Variants in SIAH1 observed in about 807,000 individuals in gnomAD.
The protein encoded by SIAH1 is E3 ubiquitin-protein ligase SIAH1.
SIAH1 carries 2 observed loss-of-function variants against 20.0 expected under a neutral mutation model. The observed-to-expected ratio is 0.10, with a 90% CI of 0.04 to 0.31. The LOEUF (loss-of-function observed/expected upper bound fraction) is 0.31. SIAH1 is among the 10% of genes least tolerant of loss of function. The pLI is 1.00. For missense variants in SIAH1, 119 were observed against 355.3 expected (o/e 0.33, Z 5.35); for synonymous variants, 118 against 125.3 (o/e 0.94, Z 0.39).
chr16:48,374,689 T>C (rs1374348044), intron 1 of SIAH1, among the ~76,000 whole-genome samples: 4 of 152,040 alleles, frequency 2.6e-5, no homozygotes, highest in African/African-American at 9.7e-5. Flanking sequence ...GAATGTGAGG[T>C]AGCATTAGCA....
At chr16:48,369,996 A>G (rs74713666) in intron 1 of SIAH1, among the ~76,000 whole-genome samples, 30 of 152,326 alleles carry the variant, frequency 2.0e-4, no homozygotes, top group African/African-American at 7.0e-4. Flanking sequence ...ACAGCTTACA[A>G]TCCTGGTCAC....
intron 1 of SIAH1, among the ~76,000 whole-genome samples, chr16:48,384,985 G>A (rs1961409401): frequency 6.8e-6 from 1 of 146,854 alleles, no homozygotes; most frequent in Non-Finnish European, 1.5e-5. Flanking sequence ...CAGGGGCGGG[G>A]GCGAGCCGGC....
chr16:48,380,866 T>G (rs1164288236), intron 1 of SIAH1, among the ~76,000 whole-genome samples: 3 of 128,338 alleles, frequency 2.3e-5, no homozygotes, highest in Non-Finnish European at 4.6e-5. Flanking sequence ...GATGTGGAGG[T>G]TGCAATGAGC....
At chr16:48,372,006 T>TACACACACAC (rs113043573) in intron 1 of SIAH1, among the ~76,000 whole-genome samples, 3 of 150,972 alleles carry the variant, frequency 2.0e-5, no homozygotes, top group African/African-American at 7.3e-5. Flanking sequence ...TAAGTATGTA[T>TACACACACAC]ACACACACAC....
At chr16:48,374,857 AGT>A (rs1338051667) in intron 1 of SIAH1, among the ~76,000 whole-genome samples, 5 of 152,358 alleles carry the variant, frequency 3.3e-5, no homozygotes, top group Non-Finnish European at 7.3e-5. Flanking sequence ...AAAAAACTGC[AGT>A]GTTACTAACT....
At chr16:48,373,134 A>G (rs1961025677) in intron 1 of SIAH1, among the ~76,000 whole-genome samples, 2 of 151,926 alleles carry the variant, frequency 1.3e-5, no homozygotes, top group African/African-American at 4.8e-5. Flanking sequence ...CTTGTCTCCC[A>G]CCCTTACACC....
chr16:48,373,776 TA>T (rs1440460516), intron 1 of SIAH1, among the ~76,000 whole-genome samples: 1 of 152,198 alleles, frequency 6.6e-6, no homozygotes, highest in Non-Finnish European at 1.5e-5. Context: ...GCTGAAATCC[TA>T]AAAATAGCCC....
upstream of SIAH1, among the ~76,000 whole-genome samples, chr16:48,385,676 G>T (rs1961445437): frequency 6.6e-6 from 1 of 152,210 alleles, no homozygotes; most frequent in East Asian, 1.9e-4. Flanking sequence ...GCTCTGGCCC[G>T]CGAGAAGCTA....
chr16:48,370,372 C>G (rs1039147390), intron 1 of SIAH1, among the ~76,000 whole-genome samples: 1 of 152,012 alleles, frequency 6.6e-6, no homozygotes, highest in Non-Finnish European at 1.5e-5. Flanking sequence ...GTTCCAGAGT[C>G]AGCAAGCTAA....
At chr16:48,367,639 CAG>C (rs780301763) in intron 1 of SIAH1, among the ~76,000 whole-genome samples, 8 of 152,206 alleles carry the variant, frequency 5.3e-5, no homozygotes, top group Non-Finnish European at 1.0e-4. Flanking sequence ...CAATTAGTCA[CAG>C]ACTCAGAATT....
At chr16:48,373,733 C>G (rs1961037705) in intron 1 of SIAH1, among the ~76,000 whole-genome samples, 1 of 152,216 alleles carries the variant, frequency 6.6e-6, no homozygotes. Context: ...CTCTGCTCTA[C>G]ACCCTCCGCT....
At chr16:48,365,946 G>C in intron 1 of SIAH1, 1 of 1,193,686 alleles carries the variant, frequency 8.4e-7, no homozygotes, top group Non-Finnish European at 1.0e-6. Flanking sequence ...GCCTGCGTTG[G>C]GAACGCCTAC....
chr16:48,383,076 T>C (rs768951873), intron 1 of SIAH1, among the ~76,000 whole-genome samples: 1 of 152,256 alleles, frequency 6.6e-6, no homozygotes, highest in Non-Finnish European at 1.5e-5. Context: ...TAGATTAATA[T>C]TTAACAGATG....
Position 48,361,304 on chromosome 16 carries a change from A to AATT in SIAH1, c.*273_*275dup. 1 of 352,580 alleles carries AATT rather than the reference A, an allele frequency of 2.8e-6. No homozygotes were observed. The highest frequency in any genetic ancestry group is 5.7e-5 in the East Asian group (1 of 17,430). 21.8% of individuals were successfully genotyped at this position (352,580 alleles called of 1,614,324 possible). A position where few individuals can be genotyped will look rare whatever the true frequency, so the allele number is the denominator to read the frequency against. ...AATCTACAACAAACACAAAACTCAG[A>AATT]ATTATTTTACAATGCTTCCTTTCTT... On this transcript the variant is annotated 3_prime_UTR_variant, in exon 2 of 2. Coordinates refer to ENST00000394725, the MANE Select transcript of SIAH1 (RefSeq NM_003031.4).
intron 1 of SIAH1, among the ~76,000 whole-genome samples, chr16:48,369,139 A>G (rs1960920644): frequency 6.6e-6 from 1 of 152,250 alleles, no homozygotes; most frequent in African/African-American, 2.4e-5. Context: ...ACACTGTTAT[A>G]AGGACAATAA....
intron 1 of SIAH1, among the ~76,000 whole-genome samples, chr16:48,370,698 C>A (rs2151049925): frequency 6.6e-6 from 1 of 151,310 alleles, no homozygotes; most frequent in African/African-American, 2.4e-5. Flanking sequence ...CCCAGCTATT[C>A]GGGAGACTGA....
chr16:48,375,207 A>G (rs1424603285), intron 1 of SIAH1, among the ~76,000 whole-genome samples: 1 of 152,206 alleles, frequency 6.6e-6, no homozygotes. Context: ...TTGTAATAGT[A>G]AACTGAAAAC....
At chr16:48,367,890 T>G (rs1385160017) in intron 1 of SIAH1, among the ~76,000 whole-genome samples, 1 of 152,234 alleles carries the variant, frequency 6.6e-6, no homozygotes, top group Non-Finnish European at 1.5e-5. Flanking sequence ...CACTATTACC[T>G]ACACTTTCTA....
intron 1 of SIAH1, among the ~76,000 whole-genome samples, chr16:48,367,800 A>G (rs1960880920): frequency 6.6e-6 from 1 of 151,748 alleles, no homozygotes. Context: ...TTTTACAAAA[A>G]GCTGAAAAGT....
Sources: gnomAD v4.1 joint callset for allele counts (sites outside exome capture counted in the v4.1 genomes callset) on GRCh38, gnomAD v4.1.1 for gene constraint, MANE v1.5 for transcripts, NCBI Gene and HGNC (gene_info 2026-07-23, HGNC 2026-07-21) for gene names.